RCC2: variants seen among roughly 807,000 people sequenced by gnomAD.
RCC2 encodes the protein protein RCC2.
RCC2 carries 19 observed loss-of-function variants against 64.1 expected under a neutral mutation model. That is an observed-to-expected ratio of 0.30 (90% CI 0.21 to 0.44). The LOEUF (loss-of-function observed/expected upper bound fraction) is 0.44. RCC2 is among the 20% of genes least tolerant of loss of function. The probability of loss-of-function intolerance (pLI) is 1.00; values close to 1 mark genes in which losing one functional copy is unlikely to be tolerated. For missense variants in RCC2, 508 were observed against 710.4 expected, an observed-to-expected ratio of 0.72 and a Z score of 3.24; for synonymous variants, 325 against 279.6, an observed-to-expected ratio of 1.16 and a Z score of -1.62.
chr1:17,422,532 G>A (rs2075566797), intron 5 of RCC2, among the ~76,000 whole-genome samples, 173 bp downstream of exon 5: 1 of 152,152 alleles, frequency 6.6e-6, no homozygotes, highest in East Asian at 1.9e-4. Flanking sequence ...TATGGCCACT[G>A]GGGAGGCTCC....
At position 17,423,907 on chromosome 1, in the gene RCC2, A is replaced by G. The variant is rs541529574; in HGVS notation, c.524-1071T>C. ...AGAAGGCTTGCAGGAGCAGCCTCTG[A>G]CTACAGAAGGAATTGCGACGAAGGG... On this transcript the variant is annotated intron_variant, in intron 4 of 12. Coordinates refer to ENST00000375436, the MANE Select transcript of RCC2 (RefSeq NM_018715.4). Among the ~76,000 whole-genome samples the G allele has an allele frequency of 7.7e-4, 118 of 152,318 alleles. 1 individual carries two copies. The highest frequency in any genetic ancestry group is 2.7e-3 in the African/African-American group (114 of 41,584).
At chr1:17,409,310 C>T (rs1570169110) in intron 12 of RCC2, 116 bp from the exon 13 acceptor site, 1 of 708,548 alleles carries the variant, frequency 1.4e-6, no homozygotes. Context: ...AACAGAGTGC[C>T]CTTGAAAACT....
intron 2 of RCC2, among the ~76,000 whole-genome samples, chr1:17,433,001 C>T (rs2075698835): frequency 6.6e-6 from 1 of 151,928 alleles, no homozygotes; most frequent in South Asian, 2.1e-4. Context: ...TATATATATA[C>T]ACTCACACAC....
chr1:17,412,262 A>G lies in RCC2; in HGVS notation c.1314-68T>C, dbSNP rs1168593240. 6.0e-6 allele frequency: 9 copies of G among 1,487,942 alleles called. No individual in the cohort carries two copies. In the African/African-American group the frequency reaches 1.3e-4, roughly 21 times the overall value. 92.2% of individuals were successfully genotyped at this position (1,487,942 alleles called of 1,614,324 possible). On this transcript the variant is annotated intron_variant, in intron 10 of 12. Coordinates refer to ENST00000375436, the MANE Select transcript of RCC2 (RefSeq NM_018715.4). The stretch of plus-strand genomic sequence containing the variant: ...ACCTGCACCCACGCAGCTATGGCTC[A>G]AGGGCATGAGTGTGAGCTGCCACTT...
intron 3 of RCC2, among the ~76,000 whole-genome samples, chr1:17,426,202 GC>G (rs2075614190): frequency 6.6e-6 from 1 of 151,774 alleles, no homozygotes; most frequent in Non-Finnish European, 1.5e-5. Context: ...TCCATCTCCG[GC>G]CTTCACCCTG....
chr1:17,420,672 TAC>T (rs1441130771), intron 7 of RCC2, 40 bp downstream of exon 7: 11 of 1,275,990 alleles, frequency 8.6e-6, no homozygotes, highest in South Asian at 2.7e-5. Context: ...TCTGAATATA[TAC>T]AGTTAGATTA....
chr1:17,431,360 ATAT>A (rs1277120760), intron 2 of RCC2, among the ~76,000 whole-genome samples: 59 of 20,036 alleles, frequency 2.9e-3, no homozygotes, highest in African/African-American at 3.1e-3. Flanking sequence ...AAAAAAAAAA[ATAT>A]ATATATATAT....
chr1:17,437,873 G>C (rs1285265869), intron 2 of RCC2, among the ~76,000 whole-genome samples: 1 of 145,272 alleles, frequency 6.9e-6, no homozygotes, highest in Non-Finnish European at 1.5e-5. Context: ...ACTTACCGAG[G>C]TCCCCTTTCC....
At chr1:17,438,068 G>A (rs1399833206) in intron 2 of RCC2, among the ~76,000 whole-genome samples, 162 bp downstream of exon 2, 2 of 147,138 alleles carry the variant, frequency 1.4e-5, no homozygotes, top group African/African-American at 4.9e-5. Flanking sequence ...CTTTTGTTGC[G>A]CGGAGGCGGA....
At chr1:17,427,143 G>A (rs6688886) in intron 3 of RCC2, among the ~76,000 whole-genome samples, 56,001 of 152,092 alleles carry the variant, frequency 0.37, 10,474 homozygotes, top group African/African-American at 0.42. Context: ...CTGCCAAATC[G>A]AGTGTGTAAG....
At position 17,438,285 on chromosome 1, in the gene RCC2, T is replaced by A; in HGVS notation, c.230A>T (p.Lys77Met). The A allele has an allele frequency of 7.7e-7, 1 of 1,293,420 alleles. No individual in the cohort carries two copies. Among genetic ancestry groups the A allele is most frequent in the Non-Finnish European group, 9.9e-7 (1 of 1,006,212 alleles). The allele number at this position is 1,293,420 out of a possible 1,614,324, so 80.1% of individuals were successfully genotyped here. A position where few individuals can be genotyped will look rare whatever the true frequency, so the allele number is the denominator to read the frequency against. Residue 77 changes from lysine (K) to methionine (M), a missense_variant, in exon 2 of 13, where the codon AAG (lysine) becomes ATG (methionine). Transcript: ENST00000375436. ...GATGACCACGGCCGCGCCGCCCGCC[T>A]TGCCTGCTGTCGCCGGCCGCGCCGC... ...KRAARPATAGKAGGAAVVITE... is the reference protein window; with the variant it reads ...KRAARPATAGMAGGAAVVITE...
At chr1:17,409,298 AAAACAGAGTGCC>A (rs1233718786) in intron 12 of RCC2, 104 bp from the exon 13 acceptor site, 1 of 760,422 alleles carries the variant, frequency 1.3e-6, no homozygotes, top group African/African-American at 1.7e-5. Flanking sequence ...AGCATGGAGA[AAAACAGAGTGCC>A]CTTGAAAACT....
In RCC2 at chr1:17,422,182, C is replaced by T. The variant is rs751510920; in HGVS notation, c.744+21G>A. 6 of 1,553,676 alleles carry T rather than the reference C, an allele frequency of 3.9e-6. No individual in the cohort carries two copies. The South Asian group carries it at 5.8e-5, about 15-fold the overall frequency. Reference sequence around the variant, plus strand: ...TAAAGAGAAACAAAAAGCCATGGAGCCGGAGCTGAGGAGGGGTCACCTGCG... The same window carrying T: ...TAAAGAGAAACAAAAAGCCATGGAGTCGGAGCTGAGGAGGGGTCACCTGCG... On this transcript the variant is annotated intron_variant, in intron 6 of 12. Transcript: ENST00000375436.
chr1:17,416,720 CTG>C, intron 7 of RCC2, 74 bp from the exon 8 acceptor site: 1 of 1,465,960 alleles, frequency 6.8e-7, no homozygotes, highest in South Asian at 1.3e-5. Flanking sequence ...CACACGGACT[CTG>C]TAGTGAGCCC....
intron 8 of RCC2, 83 bp from the exon 9 acceptor site, chr1:17,413,800 C>G: frequency 3.9e-6 from 5 of 1,275,506 alleles, no homozygotes; most frequent in Non-Finnish European, 5.5e-6. Flanking sequence ...TGCAGACAAC[C>G]TGGTGCAAAT....
rs1365651476 is a variant in RCC2 at position 17,408,889 on chromosome 1, A to G, written c.*201T>C. ...ATTTTAATTCAACATTAAGGGAAAA[A>G]AAAGGACTTTGGAAAGCATACAGAA... is the stretch of plus-strand genomic sequence containing the variant. On this transcript the variant is annotated 3_prime_UTR_variant, in exon 13 of 13. Transcript: ENST00000375436. 3 of 532,268 alleles carry G rather than the reference A, an allele frequency of 5.6e-6. No homozygotes were observed. Among genetic ancestry groups the G allele is most frequent in the Non-Finnish European group, 1.0e-5 (3 of 298,042 alleles). The allele number at this position is 532,268 out of a possible 1,614,324, so 33.0% of individuals were successfully genotyped here.
At chr1:17,418,257 C>A (rs1399633987) in intron 7 of RCC2, among the ~76,000 whole-genome samples, 1 of 150,508 alleles carries the variant, frequency 6.6e-6, no homozygotes, top group Non-Finnish European at 1.5e-5. Flanking sequence ...CTCTGTCGCC[C>A]AGGCTGGAGT....
intron 2 of RCC2, among the ~76,000 whole-genome samples, chr1:17,432,758 C>G (rs965531918): frequency 6.6e-6 from 1 of 152,172 alleles, no homozygotes; most frequent in East Asian, 1.9e-4. Context: ...ATCCATCAAG[C>G]TAGCTAAGCA....
chr1:17,425,775 G>T, intron 3 of RCC2, 91 bp from the exon 4 acceptor site: 2 of 1,370,176 alleles, frequency 1.5e-6, no homozygotes, highest in South Asian at 1.4e-5. Flanking sequence ...ACTTCCCGAG[G>T]GTACCAGGGA....
Sources: allele counts gnomAD v4.1 joint callset (sites outside exome capture counted in the v4.1 genomes callset), GRCh38; gene constraint gnomAD v4.1.1; transcripts MANE v1.5; gene names NCBI Gene and HGNC (gene_info 2026-07-23, HGNC 2026-07-21).